FHIT: variants seen among roughly 807,000 people sequenced by gnomAD.
The protein encoded by FHIT is bis(5'-adenosyl)-triphosphatase.
In FHIT, 19 loss-of-function variants were observed where a neutral mutation model predicts 17.9. The ratio of observed to expected loss-of-function variants is 1.06; its 90% CI spans 0.74 to 1.56. FHIT has a LOEUF of 1.56. FHIT is among the 40% of genes most tolerant of loss of function. The probability of loss-of-function intolerance (pLI) is 0.00; values close to 1 mark genes in which losing one functional copy is unlikely to be tolerated. For missense variants in FHIT, 248 were observed against 189.2 expected (o/e 1.31, Z -1.82); for synonymous variants, 81 against 69.7 (o/e 1.16, Z -0.81).
At chr3:59,866,893 T>C (rs1471905819) in intron 8 of FHIT, among the ~76,000 whole-genome samples, 7 of 152,036 alleles carry the variant, frequency 4.6e-5, no homozygotes, top group Non-Finnish European at 8.8e-5. Context: ...GCTGATAATT[T>C]AGGAAGGTTT....
At chr3:60,889,678 G>A (rs1259314880) in intron 3 of FHIT, among the ~76,000 whole-genome samples, 1 of 152,056 alleles carries the variant, frequency 6.6e-6, no homozygotes. Context: ...CTGTATGGGT[G>A]GTTCATTTTA....
chr3:61,005,412 T>C (rs560560992), intron 3 of FHIT, among the ~76,000 whole-genome samples: 2 of 151,988 alleles, frequency 1.3e-5, no homozygotes, highest in South Asian at 4.2e-4. Flanking sequence ...ATAATGATTG[T>C]GATGGTGATG....
intron 4 of FHIT, among the ~76,000 whole-genome samples, chr3:60,581,746 T>C (rs981420921): frequency 6.6e-6 from 1 of 152,090 alleles, no homozygotes. Flanking sequence ...AGTTTAGTGA[T>C]GAGGTTATCA....
chr3:61,214,648 C>A (rs1233506147), intron 1 of FHIT, among the ~76,000 whole-genome samples: 2 of 152,160 alleles, frequency 1.3e-5, no homozygotes, highest in East Asian at 3.9e-4. Flanking sequence ...TCCTCCCTAA[C>A]TCATTTTATG....
chr3:60,036,756 G>C (rs1292702496), intron 5 of FHIT, among the ~76,000 whole-genome samples: 1 of 151,970 alleles, frequency 6.6e-6, no homozygotes, highest in Non-Finnish European at 1.5e-5. Flanking sequence ...TAACTGCCCA[G>C]TCAACAGGTT....
At chr3:60,379,968 C>G (rs78011407) in intron 5 of FHIT, among the ~76,000 whole-genome samples, 2 of 152,124 alleles carry the variant, frequency 1.3e-5, no homozygotes, top group Non-Finnish European at 2.9e-5. Context: ...TCAAAAACAA[C>G]AGCATCAATA....
At chr3:60,210,145 AC>A (rs1257442373) in intron 5 of FHIT, among the ~76,000 whole-genome samples, 2 of 152,196 alleles carry the variant, frequency 1.3e-5, no homozygotes, top group East Asian at 3.8e-4. Flanking sequence ...TAAAAGATAA[AC>A]CCAAGTGAAT....
chr3:61,139,425 G>T (rs1368801247), intron 2 of FHIT, among the ~76,000 whole-genome samples: 2 of 152,062 alleles, frequency 1.3e-5, no homozygotes, highest in Non-Finnish European at 2.9e-5. Flanking sequence ...CCCCCAATGT[G>T]ATGGAATTAG....
At chr3:60,232,158 G>GT (rs1403408759) in intron 5 of FHIT, among the ~76,000 whole-genome samples, 2 of 152,136 alleles carry the variant, frequency 1.3e-5, no homozygotes, top group African/African-American at 4.8e-5. Context: ...CATGCACACT[G>GT]TCCCTGTAAG....
At chr3:60,217,595 A>T (rs1278334315) in intron 5 of FHIT, among the ~76,000 whole-genome samples, 1 of 152,120 alleles carries the variant, frequency 6.6e-6, no homozygotes, top group East Asian at 1.9e-4. Flanking sequence ...GTAGAATAAA[A>T]CCTACGCTAG....
chr3:60,710,678 G>C lies in FHIT; in HGVS notation c.-18+111241C>G, dbSNP rs1027468120. On this transcript the variant is annotated intron_variant, in intron 4 of 9. Transcript: ENST00000492590. Reference sequence around the variant, plus strand: ...CGGAGTCTCACTGATTGCTAGCACAGCAATCTGAGATCAAACTGCAAGGCG... The same window carrying C: ...CGGAGTCTCACTGATTGCTAGCACACCAATCTGAGATCAAACTGCAAGGCG... Among the ~76,000 whole-genome samples the C allele has an allele frequency of 1.0e-3, 155 of 152,308 alleles. 2 individuals are homozygous for C. The highest frequency in any genetic ancestry group is 3.6e-3 in the African/African-American group (150 of 41,584).
intron 5 of FHIT, among the ~76,000 whole-genome samples, chr3:60,521,166 C>T (rs754920191): frequency 6.5e-4 from 98 of 151,858 alleles, no homozygotes; most frequent in Non-Finnish European, 2.6e-4. Flanking sequence ...TTTAGGGCTA[C>T]CATTATATAA....
At chr3:61,076,096 A>C (rs2034962910) in intron 2 of FHIT, among the ~76,000 whole-genome samples, 1 of 152,196 alleles carries the variant, frequency 6.6e-6, no homozygotes, top group South Asian at 2.1e-4. Flanking sequence ...AAGGTTATAA[A>C]GGTAGCAGAT....
At chr3:60,594,127 C>T (rs782499407) in intron 4 of FHIT, among the ~76,000 whole-genome samples, 1 of 151,982 alleles carries the variant, frequency 6.6e-6, no homozygotes, top group South Asian at 2.1e-4. Flanking sequence ...ATATTGTTTC[C>T]AGTTTTCTGT....
At chr3:60,563,243 G>A (rs1269947120) in intron 4 of FHIT, among the ~76,000 whole-genome samples, 1 of 152,148 alleles carries the variant, frequency 6.6e-6, no homozygotes, top group Non-Finnish European at 1.5e-5. Flanking sequence ...TGTCTTGGGA[G>A]AAGAGCTAAT....
intron 4 of FHIT, among the ~76,000 whole-genome samples, chr3:60,575,228 G>A (rs2037525774): frequency 6.6e-6 from 1 of 152,070 alleles, no homozygotes; most frequent in African/African-American, 2.4e-5. Context: ...AACATGAGTA[G>A]GTATCAAATA....
intron 5 of FHIT, among the ~76,000 whole-genome samples, chr3:60,233,822 G>T (rs578201505): frequency 1.3e-5 from 2 of 152,186 alleles, no homozygotes; most frequent in East Asian, 3.9e-4. Context: ...TTATGAAGGG[G>T]AGTCCCCCTG....
intron 5 of FHIT, among the ~76,000 whole-genome samples, chr3:60,017,693 G>A (rs771349937): frequency 1.1e-4 from 17 of 152,122 alleles, no homozygotes; most frequent in Non-Finnish European, 2.1e-4. Flanking sequence ...GCCCAGAACT[G>A]ACTATCTCTC....
At chr3:59,758,064 A>G (rs890608312) in intron 8 of FHIT, among the ~76,000 whole-genome samples, 1 of 152,246 alleles carries the variant, frequency 6.6e-6, no homozygotes, top group African/African-American at 2.4e-5. Flanking sequence ...AAGTTCCATC[A>G]AAGTGTTCTT....
Sources: allele counts gnomAD v4.1 joint callset (sites outside exome capture counted in the v4.1 genomes callset), GRCh38; gene constraint gnomAD v4.1.1; transcripts MANE v1.5; gene names NCBI Gene and HGNC (gene_info 2026-07-23, HGNC 2026-07-21).